SLC16A10: variants seen among roughly 807,000 people sequenced by gnomAD.
SLC16A10 encodes the protein monocarboxylate transporter 10.
SLC16A10 carries 27 observed loss-of-function variants against 40.0 expected under a neutral mutation model. That is an observed-to-expected ratio of 0.67 (90% confidence interval 0.50 to 0.93). The LOEUF is 0.93. Among genes scored for constraint, SLC16A10 ranks in the 40% least tolerant of loss-of-function variants. SLC16A10 has a pLI of 0.00. For synonymous variants in SLC16A10, 213 were observed against 249.8 expected (o/e 0.85, Z 1.39); for missense variants, 529 against 658.2 (o/e 0.80, Z 2.15).
chr6:111,134,835 G>A (rs1771848896), intron 1 of SLC16A10, among the ~76,000 whole-genome samples: 1 of 152,166 alleles, frequency 6.6e-6, no homozygotes, highest in Admixed American at 6.5e-5. Flanking sequence ...AGGACTGAGG[G>A]TGCCTGGGGC....
chr6:111,121,751 T>G (rs1449107833), intron 1 of SLC16A10, among the ~76,000 whole-genome samples: 1 of 152,244 alleles, frequency 6.6e-6, no homozygotes, highest in Admixed American at 6.5e-5. Context: ...TGGGCTTGTG[T>G]CCTCTGCAGT....
Position 111,206,598 on chromosome 6 carries a change from CAT to C in SLC16A10, c.950_951del (p.His317ArgfsTer3), listed in dbSNP as rs1387963978. 6.2e-7 allele frequency: 1 copy of C among 1,613,824 alleles called. No individual in the cohort carries two copies. ...CTTTCTCTTTGGCCTATAGATGAAA[CAT>C]GTAAATGAAAGATTTCAAGATGAAA... The part of the protein sequence containing the change: ...YFVPYVHLMK[H>X]VNERFQDEKN... On this transcript the variant is annotated frameshift_variant, in exon 4 of 6. Transcript: ENST00000368851. LOFTEE classifies it high-confidence loss of function.
rs74932795 is a variant in SLC16A10, at chr6:111,142,122, C to A, written c.344-30573C>A. ...TGACAGTGTCCTACTTCAAGACTTA[C>A]TGTAAAGCTACAGTAATCAGAACAG... On this transcript the variant is annotated intron_variant, in intron 1 of 5. Coordinates refer to ENST00000368851, the MANE Select transcript of SLC16A10 (RefSeq NM_018593.5). Among the ~76,000 whole-genome samples the A allele has an allele frequency of 1.2e-4, 19 of 152,292 alleles. 1 individual carries two copies. The East Asian group carries it at 3.7e-3, about 29-fold the overall frequency.
chr6:111,166,837 G>C (rs1772482168), intron 1 of SLC16A10, among the ~76,000 whole-genome samples: 1 of 152,206 alleles, frequency 6.6e-6, no homozygotes, highest in South Asian at 2.1e-4. Context: ...GAAACAAATA[G>C]GGTCTGGATA....
At chr6:111,206,446 A>G in intron 3 of SLC16A10, 146 bp from the exon 4 acceptor site, 1 of 789,954 alleles carries the variant, frequency 1.3e-6, no homozygotes. Flanking sequence ...GAAAATTATC[A>G]CAGGACAAGT....
At chr6:111,218,297 C>T (rs1462821769) in intron 4 of SLC16A10, among the ~76,000 whole-genome samples, 3 of 151,906 alleles carry the variant, frequency 2.0e-5, no homozygotes, top group South Asian at 2.1e-4. Context: ...AAGTCATTTT[C>T]GGCCAGGCGC....
At chr6:111,209,853 C>A (rs1240867195) in intron 4 of SLC16A10, among the ~76,000 whole-genome samples, 1 of 152,136 alleles carries the variant, frequency 6.6e-6, no homozygotes, top group Admixed American at 6.5e-5. Flanking sequence ...TCTACAGGTG[C>A]AGAAAATTGA....
rs982163988 is a variant in SLC16A10, at chr6:111,230,051, C to T, written c.*7816C>T. On this transcript the variant is annotated 3_prime_UTR_variant, in exon 6 of 6. Coordinates refer to ENST00000368851, the MANE Select transcript of SLC16A10 (RefSeq NM_018593.5). ...TATTGCCAGGCTCCATATAGTGGCG[C>T]GATCTCAGCTCACTGCAACCTCCGC... 5 of 115,990 alleles carry T rather than the reference C, an allele frequency of 4.3e-5. No individual in the cohort carries two copies. The highest frequency in any genetic ancestry group is 1.7e-4 in the African/African-American group (5 of 29,744). The allele number at this position is 115,990 out of a possible 1,614,324, so 7.2% of individuals were successfully genotyped here.
intron 1 of SLC16A10, among the ~76,000 whole-genome samples, chr6:111,105,020 T>A (rs1405074988): frequency 1.3e-5 from 2 of 152,160 alleles, no homozygotes; most frequent in Non-Finnish European, 2.9e-5. Flanking sequence ...TCTTAGGTAT[T>A]TCCAAAACTT....
intron 1 of SLC16A10, among the ~76,000 whole-genome samples, chr6:111,099,750 G>C (rs749894293): frequency 1.3e-5 from 2 of 152,132 alleles, no homozygotes; most frequent in Non-Finnish European, 2.9e-5. Context: ...AGGCTGGGCA[G>C]AATGGCTCAT....
At chr6:111,144,397 G>A (rs1446126187) in intron 1 of SLC16A10, among the ~76,000 whole-genome samples, 1 of 152,098 alleles carries the variant, frequency 6.6e-6, no homozygotes, top group Non-Finnish European at 1.5e-5. Flanking sequence ...TAGAGATGGG[G>A]TTTCACCGTG....
At chr6:111,218,345 C>T (rs558799934) in intron 4 of SLC16A10, among the ~76,000 whole-genome samples, 9 of 152,158 alleles carry the variant, frequency 5.9e-5, no homozygotes, top group South Asian at 4.2e-4. Context: ...TTTGGGAGGC[C>T]GGGCAGGTGG....
chr6:111,185,666 A>T (rs1162200636), intron 3 of SLC16A10, among the ~76,000 whole-genome samples: 1 of 152,220 alleles, frequency 6.6e-6, no homozygotes, highest in Non-Finnish European at 1.5e-5. Context: ...TACAGTAAAC[A>T]TTAAGCATAA....
chr6:111,212,801 A>T (rs12176585), intron 4 of SLC16A10, among the ~76,000 whole-genome samples: 2 of 73,238 alleles, frequency 2.7e-5, no homozygotes, highest in East Asian at 3.8e-4. Context: ...TCAAAAAAAT[A>T]AAAAAATAAA....
chr6:111,156,178 T>C (rs1772266393), intron 1 of SLC16A10, among the ~76,000 whole-genome samples: 1 of 152,086 alleles, frequency 6.6e-6, no homozygotes, highest in Non-Finnish European at 1.5e-5. Context: ...ATTGAATAAA[T>C]AAATAAATGT....
chr6:111,151,538 T>C (rs1313235157), intron 1 of SLC16A10, among the ~76,000 whole-genome samples: 1 of 152,228 alleles, frequency 6.6e-6, no homozygotes, highest in Non-Finnish European at 1.5e-5. Flanking sequence ...GCCTTCCAGC[T>C]GCCTTCCTCC....
intron 1 of SLC16A10, among the ~76,000 whole-genome samples, chr6:111,146,724 G>A (rs897849550): frequency 1.0e-4 from 15 of 150,640 alleles, no homozygotes; most frequent in African/African-American, 2.9e-4. Flanking sequence ...GCAACAGAGC[G>A]AGACTCCGTC....
rs1196837383 is a variant in SLC16A10 at position 111,087,920 on chromosome 6, G to A, written c.168G>A (p.Ala56=). The A allele has an allele frequency of 1.3e-6, 2 of 1,593,228 alleles. No homozygotes were observed. The highest frequency in any genetic ancestry group is 1.1e-5 in the South Asian group (1 of 88,162). The part of the protein sequence containing the change: ...VEVELAGPAT[A]EPHEPPEPPE... ...TGGAGCTGGCGGGGCCGGCGACCGC[G>A]GAGCCCCATGAGCCCCCCGAACCCC... The change falls in exon 1 of 6, where the codon GCG becomes GCA. Residue 56 remains alanine, a synonymous_variant. Coordinates refer to ENST00000368851, the MANE Select transcript of SLC16A10 (RefSeq NM_018593.5).
At chr6:111,208,807 G>A (rs987310216) in intron 4 of SLC16A10, among the ~76,000 whole-genome samples, 3 of 152,022 alleles carry the variant, frequency 2.0e-5, no homozygotes, top group African/African-American at 7.2e-5. Context: ...TTCTTTGTGG[G>A]GTAATGAAAA....
Sources: gnomAD v4.1 joint callset for allele counts (sites outside exome capture counted in the v4.1 genomes callset) on GRCh38, gnomAD v4.1.1 for gene constraint, MANE v1.5 for transcripts, NCBI Gene and HGNC (gene_info 2026-07-23, HGNC 2026-07-21) for gene names.